The following CCDC157 variants were observed in gnomAD, a reference collection of about 807,000 sequenced individuals.
CCDC157 encodes coiled-coil domain containing 157.
A neutral mutation model predicts 70.9 loss-of-function variants in CCDC157; 60 were observed. That is an observed-to-expected ratio of 0.85 (90% confidence interval 0.69 to 1.05). The LOEUF is 1.05. Ranked by LOEUF, CCDC157 falls within the 50% of genes least tolerant of loss-of-function variation. CCDC157 has a pLI of 0.00. For missense variants in CCDC157, 943 were observed against 984.2 expected (o/e 0.96, Z 0.56); for synonymous variants, 373 against 422.4 (o/e 0.88, Z 1.43).
chr22:30,375,543 T>C lies in CCDC157; in HGVS notation c.1737T>C (p.Asp579=). ...CCACAGACTCTGGCAACGTCACAGA[T>C]CACATGGAGAGGCAAGTGCAGTCCA... ...TCPTDSGNVT[D]HMERQVQSND... The change falls in exon 10 of 12, where the codon GAT becomes GAC. Residue 579 remains aspartate (D), a synonymous_variant. Coordinates refer to ENST00000338306, the MANE Select transcript of CCDC157 (RefSeq NM_001017437.5). 3 of 1,614,152 alleles carry C rather than the reference T, an allele frequency of 1.9e-6. No homozygotes were observed. The highest frequency in any genetic ancestry group is 2.5e-6 in the Non-Finnish European group (3 of 1,180,044).
chr22:30,369,633 C>A, intron 4 of CCDC157, 30 bp downstream of exon 4: 2 of 1,453,566 alleles, frequency 1.4e-6, no homozygotes, highest in South Asian at 2.7e-5. Flanking sequence ...TCAGGTGGGT[C>A]AGCCTCAGCC....
chr22:30,363,299 C>T (rs1403273918), intron 2 of CCDC157, among the ~76,000 whole-genome samples: 5 of 152,114 alleles, frequency 3.3e-5, no homozygotes, highest in Admixed American at 1.3e-4. Context: ...CTGTGTGGGC[C>T]GCAGGGGAAC....
At chr22:30,362,809 T>C (rs1019530131) in intron 2 of CCDC157, among the ~76,000 whole-genome samples, 1 of 152,050 alleles carries the variant, frequency 6.6e-6, no homozygotes, top group Non-Finnish European at 1.5e-5. Flanking sequence ...AAGAGGGAAC[T>C]CAGGAAATGC....
chr22:30,366,272 T>G (rs1932731344), intron 3 of CCDC157, 24 bp downstream of exon 3: 1 of 1,611,758 alleles, frequency 6.2e-7, no homozygotes, highest in African/African-American at 1.3e-5. Flanking sequence ...CCAAGCCTGG[T>G]CATCTCAGGA....
chr22:30,363,300 G>A (rs1281133754), intron 2 of CCDC157, among the ~76,000 whole-genome samples: 1 of 152,218 alleles, frequency 6.6e-6, no homozygotes, highest in African/African-American at 2.4e-5. Flanking sequence ...TGTGTGGGCC[G>A]CAGGGGAACT....
At position 30,366,238 on chromosome 22, in the gene CCDC157, G is replaced by T. The variant is rs772574462; in HGVS notation, c.238G>T (p.Val80Phe). ...QLSHAVLLEL[V>F]IDRLLLLLQS... ...GTCCCATGCCGTGCTGCTGGAGCTG[G>T]TCATCGACAGGTGAGGGCCTTGACC... The change falls in exon 3 of 12, where the codon GTC (valine) becomes TTC (phenylalanine). Residue 80 changes from valine to phenylalanine, a missense_variant. By Grantham distance (50) the Val-to-Phe change is conservative. Coordinates refer to ENST00000338306, the MANE Select transcript of CCDC157 (RefSeq NM_001017437.5). 6.2e-7 allele frequency: 1 copy of T among 1,613,706 alleles called. No individual in the cohort carries two copies.
chr22:30,366,856 A>G, intron 3 of CCDC157: 1 of 158,658 alleles, frequency 6.3e-6, no homozygotes, highest in Non-Finnish European at 1.4e-5. Context: ...TCAGGAGTTC[A>G]AGACCAGCCT....
Position 30,376,239 on chromosome 22 carries a change from C to CTTTTTT in CCDC157, c.1858-10_1858-5dup. The CTTTTTT allele has an allele frequency of 2.8e-6, 4 of 1,451,418 alleles. No homozygotes were observed. The highest frequency in any genetic ancestry group is 1.9e-6 in the Non-Finnish European group (2 of 1,061,676). 89.9% of individuals were successfully genotyped at this position (1,451,418 alleles called of 1,614,324 possible). A position where few individuals can be genotyped will look rare whatever the true frequency, so the allele number is the denominator to read the frequency against. On this transcript the variant is annotated intron_variant, in intron 10 of 11. Transcript: ENST00000338306. ...GACTCCTGGGCCCTTATAAGACTGG[C>CTTTTTT]TTTTTTTTTTTTTTTGTAGCTGATC...
rs1438686860 is a variant in CCDC157, at chr22:30,378,402, G to T, written c.*1657G>T. ...CCAGCACTTTGGGAGGCCGAGGCAG[G>T]CGGATCACCTGAGATCGGGAGTTCG... is the stretch of plus-strand genomic sequence containing the variant. On this transcript the variant is annotated 3_prime_UTR_variant, in exon 12 of 12. Coordinates refer to ENST00000338306, the MANE Select transcript of CCDC157 (RefSeq NM_001017437.5). 1 of 231,354 alleles carries T rather than the reference G, an allele frequency of 4.3e-6. No individual in the cohort carries two copies. Among genetic ancestry groups the T allele is most frequent in the Non-Finnish European group, 9.0e-6 (1 of 110,726 alleles). 14.3% of individuals were successfully genotyped at this position (231,354 alleles called of 1,614,324 possible). A position where few individuals can be genotyped will look rare whatever the true frequency, so the allele number is the denominator to read the frequency against.
At position 30,378,328 on chromosome 22, in the gene CCDC157, G is replaced by C; in HGVS notation, c.*1583G>C. ...GCTATAAGACAGAACCCAACCATGG[G>C]CATAAAATCCCTTTGAGAAGCCAGG... On this transcript the variant is annotated 3_prime_UTR_variant, in exon 12 of 12. Coordinates refer to ENST00000338306, the MANE Select transcript of CCDC157 (RefSeq NM_001017437.5). 1 of 309,682 alleles carries C rather than the reference G, an allele frequency of 3.2e-6. No homozygotes were observed. The highest frequency in any genetic ancestry group is 2.6e-5 in the South Asian group (1 of 37,782). 19.2% of individuals were successfully genotyped at this position (309,682 alleles called of 1,614,324 possible).
At position 30,373,427 on chromosome 22, in the gene CCDC157, C is replaced by T. The variant is rs553446135; in HGVS notation, c.1336-170C>T. On this transcript the variant is annotated intron_variant, in intron 7 of 11. Transcript: ENST00000338306. ...GTGTGCATCTGCCTGCTGCCAGCTT[C>T]CCCCGACCCCTACCCTTCCACGCAT... The T allele has an allele frequency of 1.6e-3, 1,137 of 696,118 alleles. 25 individuals carry two copies. Among genetic ancestry groups the T allele is most frequent in the Admixed American group, 4.9e-4 (17 of 34,506 alleles). 43.1% of individuals were successfully genotyped at this position (696,118 alleles called of 1,614,324 possible). A position where few individuals can be genotyped will look rare whatever the true frequency, so the allele number is the denominator to read the frequency against.
chr22:30,373,796 A>G lies in CCDC157; in HGVS notation c.1503+32A>G, dbSNP rs186301882. ...GTGGGGGTCTTCCTTTTTGCCAGAG[A>G]AGTCTCCGGCCAACTGAGTGCCTGC... On this transcript the variant is annotated intron_variant, in intron 8 of 11. Transcript: ENST00000338306. 7.2e-6 allele frequency: 11 copies of G among 1,536,552 alleles called. No homozygotes were observed. The Admixed American group carries it at 2.2e-4, about 31-fold the overall frequency.
At chr22:30,373,895 G>C (rs1339107797) in intron 8 of CCDC157, 28 bp from the exon 9 acceptor site, 2 of 1,591,808 alleles carry the variant, frequency 1.3e-6, no homozygotes, top group Admixed American at 3.5e-5. Context: ...TCACTCAGGA[G>C]CCAGGCCTGA....
chr22:30,370,511 C>T lies in CCDC157; in HGVS notation c.606C>T (p.Thr202=), dbSNP rs1298627971. The part of the protein sequence containing the change: ...VRASLQFPAT[T]FKNTRSVHSQ... ...CCTCCCTGCAGTTCCCAGCCACGACCTTCAAGAACACCAGGAGTGTCCACT... is the reference window on the plus strand; with the variant it reads ...CCTCCCTGCAGTTCCCAGCCACGACTTTCAAGAACACCAGGAGTGTCCACT... The change falls in exon 5 of 12, where the codon ACC becomes ACT. Residue 202 remains threonine (T), a synonymous_variant. Transcript: ENST00000338306. 2 of 1,614,024 alleles carry T rather than the reference C, an allele frequency of 1.2e-6. No homozygotes were observed. Among genetic ancestry groups the T allele is most frequent in the Non-Finnish European group, 1.7e-6 (2 of 1,180,048 alleles).
chr22:30,378,038 G>T lies in CCDC157; in HGVS notation c.*1293G>T. On this transcript the variant is annotated 3_prime_UTR_variant, in exon 12 of 12. Transcript: ENST00000338306. ...TTGTTGGCAGAATTCCGATCCTTGC[G>T]GCTGTGGGACTGAGGTCCCCATGTC... 1 of 458,690 alleles carries T rather than the reference G, an allele frequency of 2.2e-6. No individual in the cohort carries two copies. Among genetic ancestry groups the T allele is most frequent in the South Asian group, 1.6e-5 (1 of 63,904 alleles). 28.4% of individuals were successfully genotyped at this position (458,690 alleles called of 1,614,324 possible). A position where few individuals can be genotyped will look rare whatever the true frequency, so the allele number is the denominator to read the frequency against.
rs1249427285 is a variant in CCDC157 at position 30,369,560 on chromosome 22, G to C, written c.377G>C (p.Ser126Thr). The change falls in exon 4 of 12, where the codon AGC (serine) becomes ACC (threonine). Residue 126 changes from serine to threonine, a missense_variant. Ser to Thr is a moderately conservative substitution (Grantham distance 58). Coordinates refer to ENST00000338306, the MANE Select transcript of CCDC157 (RefSeq NM_001017437.5). ...CTCACGGTGCGGCGCTTCTGGGACA[G>C]CCTGCTGAGGCTGGGCACGCTCCAC... ...VGLTVRRFWDSLLRLGTLHQQ... is the reference protein window; with the variant it reads ...VGLTVRRFWDTLLRLGTLHQQ... The C allele has an allele frequency of 1.9e-6, 3 of 1,597,750 alleles. No homozygotes were observed. Among genetic ancestry groups the C allele is most frequent in the East Asian group, 2.3e-5 (1 of 43,684 alleles).
chr22:30,366,532 C>T (rs906061554), intron 3 of CCDC157: 1 of 490,862 alleles, frequency 2.0e-6, no homozygotes, highest in East Asian at 3.8e-5. Context: ...CAGCTGTGAC[C>T]ACGGTCTCTC....
intron 1 of CCDC157, among the ~76,000 whole-genome samples, chr22:30,358,694 G>A (rs1020575298): frequency 5.3e-5 from 8 of 152,198 alleles, no homozygotes; most frequent in Non-Finnish European, 1.2e-4. Context: ...GCTCTTCTCT[G>A]GGAGTCAAAA....
At chr22:30,364,335 A>C (rs1182203747) in intron 2 of CCDC157, among the ~76,000 whole-genome samples, 2 of 152,046 alleles carry the variant, frequency 1.3e-5, no homozygotes, top group Admixed American at 1.3e-4. Flanking sequence ...CCATGTCTCA[A>C]AAAACAAAAC....
Sources: allele counts gnomAD v4.1 joint callset (sites outside exome capture counted in the v4.1 genomes callset), GRCh38; gene constraint gnomAD v4.1.1; transcripts MANE v1.5; gene names NCBI Gene and HGNC (gene_info 2026-07-23, HGNC 2026-07-21).